The following TENM3 variants were observed in gnomAD, a reference collection of about 807,000 sequenced individuals.
The protein encoded by TENM3 is teneurin-3.
Under a neutral mutation model 255.1 loss-of-function variants are expected in TENM3, and 63 were observed. The observed-to-expected ratio is 0.25, with a 90% confidence interval of 0.20 to 0.30. TENM3 has a LOEUF of 0.30. TENM3 is among the 10% of genes least tolerant of loss of function. The probability of loss-of-function intolerance (pLI) is 1.00; values close to 1 mark genes in which losing one functional copy is unlikely to be tolerated. For synonymous variants in TENM3, 1,306 were observed against 1,322.3 expected (o/e 0.99, Z 0.27); for missense variants, 2,929 against 3,461.1 (o/e 0.85, Z 3.86).
intron 3 of TENM3, among the ~76,000 whole-genome samples, chr4:182,598,320 T>C (rs1747480577): frequency 6.6e-6 from 1 of 152,236 alleles, no homozygotes; most frequent in South Asian, 2.1e-4. Flanking sequence ...GTAGGCCTCC[T>C]GATTGTGTTG....
the TENM3 span, among the ~76,000 whole-genome samples, chr4:181,658,920 C>T: frequency 2.0e-5 from 3 of 152,110 alleles, no homozygotes; most frequent in African/African-American, 7.2e-5. Context: ...GATCATTCTG[C>T]CAGAGACATT....
chr4:182,740,639 C>T (rs1279144434), intron 18 of TENM3, among the ~76,000 whole-genome samples: 1 of 152,148 alleles, frequency 6.6e-6, no homozygotes, highest in East Asian at 1.9e-4. Flanking sequence ...AATAGGAAAA[C>T]TACAGGCATC....
intron 1 of TENM3, among the ~76,000 whole-genome samples, chr4:182,316,728 T>C (rs1405364754): frequency 6.6e-6 from 1 of 152,214 alleles, no homozygotes; most frequent in Non-Finnish European, 1.5e-5. Flanking sequence ...CAGTACTCTG[T>C]GGAACACCCC....
the TENM3 span, among the ~76,000 whole-genome samples, chr4:182,054,251 C>G: frequency 6.6e-6 from 1 of 152,030 alleles, no homozygotes; most frequent in African/African-American, 2.4e-5. Context: ...CCGTATAACC[C>G]AGTCCATCTG....
intron 1 of TENM3, among the ~76,000 whole-genome samples, chr4:182,305,140 T>C (rs1762062140): frequency 6.6e-6 from 1 of 152,036 alleles, no homozygotes. Flanking sequence ...AATTCTGACA[T>C]ATTTACTGAA....
chr4:182,598,747 T>A (rs1452749049), intron 3 of TENM3, among the ~76,000 whole-genome samples: 3 of 152,178 alleles, frequency 2.0e-5, no homozygotes, highest in Non-Finnish European at 2.9e-5. Flanking sequence ...AATAAATGAA[T>A]GAGTGGGTGC....
chr4:181,855,326 T>G, the TENM3 span, among the ~76,000 whole-genome samples: 1 of 152,212 alleles, frequency 6.6e-6, no homozygotes, highest in African/African-American at 2.4e-5. Context: ...TGTTTTCTAA[T>G]GAAGATAAGG....
the TENM3 span, among the ~76,000 whole-genome samples, chr4:181,647,539 T>A: frequency 2.6e-5 from 4 of 152,162 alleles, no homozygotes; most frequent in Non-Finnish European, 5.9e-5. Context: ...TACACTTTGA[T>A]CCTATGTTTG....
At chr4:182,275,044 C>T (rs1301618689) in intron 1 of TENM3, among the ~76,000 whole-genome samples, 3 of 152,100 alleles carry the variant, frequency 2.0e-5, no homozygotes, top group African/African-American at 4.8e-5. Context: ...AGGCTGGTCT[C>T]GAGCTCTTGA....
the TENM3 span, among the ~76,000 whole-genome samples, chr4:181,461,278 T>A: frequency 6.6e-6 from 1 of 152,052 alleles, no homozygotes; most frequent in Non-Finnish European, 1.5e-5. Context: ...CACCTGTGTG[T>A]TTTTTTCCTC....
chr4:181,716,624 T>C, the TENM3 span, among the ~76,000 whole-genome samples: 1 of 152,202 alleles, frequency 6.6e-6, no homozygotes, highest in Non-Finnish European at 1.5e-5. Flanking sequence ...GTTGGTAATC[T>C]GTAAAATCAG....
In TENM3 at chr4:182,628,690, G is replaced by A. The variant is rs1319168232; in HGVS notation, c.789G>A (p.Leu263=). 6.2e-7 allele frequency: 1 copy of A among 1,604,188 alleles called. No individual in the cohort carries two copies. The highest frequency in any genetic ancestry group is 8.5e-7 in the Non-Finnish European group (1 of 1,175,126). The part of the protein sequence containing the change: ...LFKTGTGTTP[L]FSTATPGYTM... ...AAACAGGAACAGGTACAACGCCACT[G>A]TTCAGTACTGCAACCCCAGGATACA... The change falls in exon 5 of 28, where the codon CTG becomes CTA. Residue 263 remains leucine, a synonymous_variant. Coordinates refer to ENST00000511685, the MANE Select transcript of TENM3 (RefSeq NM_001080477.4).
At chr4:181,655,811 T>C in the TENM3 span, among the ~76,000 whole-genome samples, 1 of 152,182 alleles carries the variant, frequency 6.6e-6, no homozygotes, top group African/African-American at 2.4e-5. Flanking sequence ...TTTGAGGAAC[T>C]GAAAGTAAGC....
intron 12 of TENM3, among the ~76,000 whole-genome samples, chr4:182,694,442 G>A (rs933481478): frequency 1.3e-5 from 2 of 152,124 alleles, no homozygotes; most frequent in East Asian, 1.9e-4. Context: ...TCGTGATGAT[G>A]AAAGAAAGGT....
At chr4:182,737,972 CCTTA>C (rs1210476028) in intron 17 of TENM3, among the ~76,000 whole-genome samples, 2 of 152,060 alleles carry the variant, frequency 1.3e-5, no homozygotes, top group African/African-American at 4.8e-5. Context: ...TTCCATTGAA[CCTTA>C]CTTATCATAA....
the TENM3 span, among the ~76,000 whole-genome samples, chr4:181,742,260 T>C: frequency 1.5e-3 from 233 of 152,258 alleles, no homozygotes; most frequent in Non-Finnish European, 4.9e-4. Context: ...TTCTGACTTC[T>C]GAAAAGTAAC....
chr4:182,507,503 CAG>C (rs1435602018), intron 3 of TENM3, among the ~76,000 whole-genome samples: 2 of 150,738 alleles, frequency 1.3e-5, no homozygotes, highest in African/African-American at 4.9e-5. Context: ...GCAATTCCGT[CAG>C]AATTTTTTTT....
the TENM3 span, among the ~76,000 whole-genome samples, chr4:181,923,551 A>G: frequency 6.6e-6 from 1 of 152,212 alleles, no homozygotes; most frequent in African/African-American, 2.4e-5. Context: ...AATTTTTATT[A>G]AGTGGCTTAT....
In TENM3 at chr4:182,585,611, A is replaced by G. The variant is rs2152373994; in HGVS notation, c.512-15313A>G. 3.9e-5 allele frequency among the ~76,000 whole-genome samples: 6 copies of G among 152,314 alleles called. 1 individual carries two copies. In the Middle Eastern group the frequency reaches 0.017, roughly 432 times the overall value. ...AACCAACCGACCCTGCCAGACCTTG[A>G]TCTGTGACTTCTGGTCTCTAGAACT... On this transcript the variant is annotated intron_variant, in intron 3 of 27. Coordinates refer to ENST00000511685, the MANE Select transcript of TENM3 (RefSeq NM_001080477.4).
Sources: gnomAD v4.1 joint callset for allele counts (sites outside exome capture counted in the v4.1 genomes callset) on GRCh38, gnomAD v4.1.1 for gene constraint, MANE v1.5 for transcripts, NCBI Gene and HGNC (gene_info 2026-07-23, HGNC 2026-07-21) for gene names.